The following LIPC variants were observed in gnomAD, a reference collection of about 807,000 sequenced individuals.
LIPC encodes the protein hepatic triacylglycerol lipase.
Under a neutral mutation model 50.7 loss-of-function variants are expected in LIPC, and 44 were observed. That is an observed-to-expected ratio of 0.87 (90% confidence interval 0.68 to 1.11). LIPC has a LOEUF of 1.11. Among genes scored for constraint, LIPC ranks in the 50% most tolerant of loss-of-function variants. LIPC has a pLI of 0.00. For synonymous variants in LIPC, 271 were observed against 256.4 expected (o/e 1.06, Z -0.54); for missense variants, 697 against 648.2 (o/e 1.08, Z -0.82).
chr15:58,475,501 A>G (rs1480174200), intron 1 of LIPC, among the ~76,000 whole-genome samples: 2 of 151,920 alleles, frequency 1.3e-5, no homozygotes, highest in African/African-American at 4.8e-5. Context: ...CAACTCAACT[A>G]TTACCTTCTC....
chr15:58,521,919 C>CTA (rs1476668428), intron 1 of LIPC: 4 of 151,858 alleles, frequency 2.6e-5, no homozygotes. Flanking sequence ...CTCTCTCTCT[C>CTA]TCTCTCTCTC....
chr15:58,476,483 G>A (rs1891004428), intron 1 of LIPC, among the ~76,000 whole-genome samples: 1 of 152,348 alleles, frequency 6.6e-6, no homozygotes, highest in East Asian at 1.9e-4. Context: ...GGTGTGAGTT[G>A]GAGTCAGTCC....
At position 58,562,807 on chromosome 15, in the gene LIPC, C is replaced by CCT. The variant is rs1894210090; in HGVS notation, c.1170-697_1170-696insTC. ...AGCTATGCCAAGCCACACAAGGGACCCCCCCCCAACCCCACCATCCATCTG... is the reference window on the plus strand; with the variant it reads ...AGCTATGCCAAGCCACACAAGGGACCCTCCCCCCCAACCCCACCATCCATCTG... On this transcript the variant is annotated intron_variant, in intron 7 of 8. Transcript: ENST00000299022. Among the ~76,000 whole-genome samples the CCT allele has an allele frequency of 4.9e-5, 7 of 142,614 alleles. No individual in the cohort carries two copies. In the South Asian group the frequency reaches 1.5e-3, roughly 30 times the overall value. The allele number at this position is 142,614 out of a possible 152,430, so 93.6% of individuals were successfully genotyped here.
At chr15:58,500,066 G>T (rs72743003) in intron 1 of LIPC, among the ~76,000 whole-genome samples, 43,598 of 151,980 alleles carry the variant, frequency 0.29, 6,408 homozygotes, top group Admixed American at 0.38. Context: ...GACAGGGCAC[G>T]GGGCAGAGTC....
chr15:58,454,475 G>A (rs1236095729), intron 1 of LIPC: 1 of 152,248 alleles, frequency 6.6e-6, no homozygotes, highest in Non-Finnish European at 1.5e-5. Flanking sequence ...AGCTGACCTT[G>A]AGCTTGAGCT....
chr15:58,486,662 G>A (rs1469031064), intron 1 of LIPC, among the ~76,000 whole-genome samples: 4 of 152,168 alleles, frequency 2.6e-5, no homozygotes, highest in African/African-American at 4.8e-5. Flanking sequence ...GGGAGGCAAC[G>A]CAGGCGGAGG....
chr15:58,470,988 C>T (rs865974086), intron 1 of LIPC, among the ~76,000 whole-genome samples: 1 of 151,882 alleles, frequency 6.6e-6, no homozygotes, highest in Non-Finnish European at 1.5e-5. Context: ...GAAAAGCTTC[C>T]ATAAAGAAAG....
At chr15:58,550,018 G>A (rs1405708757) in intron 6 of LIPC, among the ~76,000 whole-genome samples, 4 of 152,208 alleles carry the variant, frequency 2.6e-5, no homozygotes, top group African/African-American at 9.6e-5. Flanking sequence ...ATCATGGAAT[G>A]TTCGCATCAT....
Position 58,560,851 on chromosome 15 carries a change from T to C in LIPC, c.1052-13T>C. 3.3e-6 allele frequency: 3 copies of C among 922,308 alleles called. No homozygotes were observed. The highest frequency in any genetic ancestry group is 5.5e-6 in the Non-Finnish European group (3 of 547,792). The allele number at this position is 922,308 out of a possible 1,614,324, so 57.1% of individuals were successfully genotyped here. A position where few individuals can be genotyped will look rare whatever the true frequency, so the allele number is the denominator to read the frequency against. Reference sequence around the variant, plus strand: ...AATTATCTCTCTCTTTCTCTCTCTGTCTCTCTCTCTAGTTTATCATTACCA... The same window carrying C: ...AATTATCTCTCTCTTTCTCTCTCTGCCTCTCTCTCTAGTTTATCATTACCA... On this transcript the variant is annotated splice_polypyrimidine_tract_variant and intron_variant, in intron 6 of 8. Transcript: ENST00000299022.
intron 8 of LIPC, chr15:58,565,108 C>G: frequency 7.6e-7 from 1 of 1,307,222 alleles, no homozygotes; most frequent in Non-Finnish European, 1.1e-6. Context: ...CAACCGCACT[C>G]TGAGATTTTA....
intron 8 of LIPC, among the ~76,000 whole-genome samples, chr15:58,567,348 T>TATAC (rs1555408136): frequency 2.5e-5 from 2 of 79,884 alleles, no homozygotes; most frequent in Non-Finnish European, 4.2e-5. Context: ...TGTATATGTA[T>TATAC]ATATATATAT....
chr15:58,450,197 A>T (rs1244140848), intron 1 of LIPC, among the ~76,000 whole-genome samples: 1 of 152,198 alleles, frequency 6.6e-6, no homozygotes, highest in African/African-American at 2.4e-5. Flanking sequence ...GTGGTGTGGA[A>T]ACTGAGTCAG....
At chr15:58,496,360 T>C (rs1316103711) in intron 1 of LIPC, among the ~76,000 whole-genome samples, 1 of 152,180 alleles carries the variant, frequency 6.6e-6, no homozygotes, top group Non-Finnish European at 1.5e-5. Context: ...CCTCTAAGGC[T>C]CTTTGTTTCT....
chr15:58,566,102 G>A (rs1262206156), intron 8 of LIPC: 9 of 972,270 alleles, frequency 9.3e-6, no homozygotes, highest in African/African-American at 1.8e-5. Context: ...AGTCTGGGGT[G>A]AGCCTGATGT....
intron 1 of LIPC, among the ~76,000 whole-genome samples, chr15:58,490,530 G>A (rs531305792): frequency 6.6e-6 from 1 of 152,200 alleles, no homozygotes; most frequent in Admixed American, 6.5e-5. Flanking sequence ...TCTCACCTCC[G>A]GAGAGAATGC....
chr15:58,476,597 A>G (rs887967649), intron 1 of LIPC, among the ~76,000 whole-genome samples: 2 of 152,244 alleles, frequency 1.3e-5, no homozygotes, highest in Admixed American at 6.5e-5. Context: ...GCCCACCAGC[A>G]GTGTGGACCT....
At chr15:58,543,838 T>C (rs1315430142) in intron 4 of LIPC, among the ~76,000 whole-genome samples, 1 of 152,086 alleles carries the variant, frequency 6.6e-6, no homozygotes, top group East Asian at 1.9e-4. Flanking sequence ...GTCAGGCTGG[T>C]CTCGAACTCC....
At chr15:58,558,547 G>A (rs1028420338) in intron 6 of LIPC, among the ~76,000 whole-genome samples, 15 of 152,148 alleles carry the variant, frequency 9.9e-5, no homozygotes, top group African/African-American at 2.9e-4. Flanking sequence ...AGCAGTGGGC[G>A]AGCAAGCATA....
At chr15:58,490,306 A>G (rs575551625) in intron 1 of LIPC, among the ~76,000 whole-genome samples, 1 of 152,302 alleles carries the variant, frequency 6.6e-6, no homozygotes, top group East Asian at 1.9e-4. Flanking sequence ...GGTCACCTCC[A>G]TAAGGACAGC....
Sources: gnomAD v4.1 joint callset for allele counts (sites outside exome capture counted in the v4.1 genomes callset) on GRCh38, gnomAD v4.1.1 for gene constraint, MANE v1.5 for transcripts, NCBI Gene and HGNC (gene_info 2026-07-23, HGNC 2026-07-21) for gene names.